PDE10A: variants seen among roughly 807,000 people sequenced by gnomAD.
PDE10A encodes phosphodiesterase 10A.
Under a neutral mutation model 97.7 loss-of-function variants are expected in PDE10A, and 39 were observed. The ratio of observed to expected loss-of-function variants is 0.40; its 90% confidence interval spans 0.31 to 0.52. PDE10A has a LOEUF of 0.52. PDE10A is among the 20% of genes least tolerant of loss of function. The probability of loss-of-function intolerance (pLI) is 0.56; values close to 1 mark genes in which losing one functional copy is unlikely to be tolerated. For missense variants in PDE10A, 731 were observed against 1,047.8 expected (o/e 0.70, Z 4.17); for synonymous variants, 371 against 376.8 (o/e 0.98, Z 0.18).
At chr6:165,472,441 C>G (rs1779068313) in intron 3 of PDE10A, among the ~76,000 whole-genome samples, 1 of 151,936 alleles carries the variant, frequency 6.6e-6, no homozygotes, top group Admixed American at 6.6e-5. Context: ...TATTATTAAT[C>G]AAGTCTATAT....
At chr6:165,632,474 T>C (rs1788680049) in intron 1 of PDE10A, among the ~76,000 whole-genome samples, 1 of 152,114 alleles carries the variant, frequency 6.6e-6, no homozygotes, top group Non-Finnish European at 1.5e-5. Flanking sequence ...TCTACCAACA[T>C]CTTAGACTTC....
At chr6:165,379,457 C>G in intron 17 of PDE10A, 91 bp from the exon 18 acceptor site, 1 of 976,012 alleles carries the variant, frequency 1.0e-6, no homozygotes, top group Non-Finnish European at 1.5e-6. Context: ...TATAGTCAGT[C>G]AATGACATCT....
Position 165,418,703 on chromosome 6 carries a change from A to G in PDE10A, c.1728T>C (p.Tyr576=), listed in dbSNP as rs1296289263. The G allele has an allele frequency of 6.2e-7, 1 of 1,613,792 alleles. No homozygotes were observed. The highest frequency in any genetic ancestry group is 1.1e-5 in the South Asian group (1 of 91,086). Residue 576 remains tyrosine (Y), a synonymous_variant, in exon 11 of 22, where the codon TAT becomes TAC. Transcript: ENST00000539869. The surrounding 1 kb of genome is among the most constrained non-coding windows in gnomAD (Gnocchi z 4.8). ...FQVDHKNKEL[Y]SDLFDIGEEK... ...CCTCTCCAATATCAAAAAGGTCTGA[A>G]TATAACTCCTTGTTCTTATGGTCCA...
At chr6:165,384,216 G>A (rs1213255443) in intron 17 of PDE10A, among the ~76,000 whole-genome samples, 1 of 152,072 alleles carries the variant, frequency 6.6e-6, no homozygotes, top group African/African-American at 2.4e-5. Flanking sequence ...GACAAAATAC[G>A]ATGAAGGCTG....
At chr6:165,637,033 T>C (rs1788911088) in intron 1 of PDE10A, among the ~76,000 whole-genome samples, 1 of 152,204 alleles carries the variant, frequency 6.6e-6, no homozygotes, top group South Asian at 2.1e-4. Flanking sequence ...CAGCCCACTG[T>C]CCTACACACC....
intron 1 of PDE10A, among the ~76,000 whole-genome samples, chr6:165,965,092 T>C (rs1489296371): frequency 6.6e-6 from 1 of 152,186 alleles, no homozygotes. Context: ...AGATGTGATA[T>C]ATTTTAGAAG....
chr6:165,741,173 T>A (rs1792710701), intron 1 of PDE10A, among the ~76,000 whole-genome samples: 1 of 152,172 alleles, frequency 6.6e-6, no homozygotes, highest in Non-Finnish European at 1.5e-5. Flanking sequence ...GATATGTTTG[T>A]TAATAAGCTT....
intron 1 of PDE10A, among the ~76,000 whole-genome samples, chr6:165,565,837 A>C (rs533811707): frequency 6.6e-6 from 1 of 152,302 alleles, no homozygotes; most frequent in African/African-American, 2.4e-5. Flanking sequence ...GAGAAAAAAT[A>C]CTCTTTTCAA....
intron 17 of PDE10A, among the ~76,000 whole-genome samples, chr6:165,387,370 C>T (rs1289489084): frequency 6.6e-6 from 1 of 152,118 alleles, no homozygotes; most frequent in East Asian, 1.9e-4. Context: ...GCAGGCAGCA[C>T]TACCAATCAC....
intron 3 of PDE10A, among the ~76,000 whole-genome samples, chr6:165,472,709 G>C (rs1244781405): frequency 6.6e-6 from 1 of 152,132 alleles, no homozygotes; most frequent in Non-Finnish European, 1.5e-5. Context: ...TACCAGAGAA[G>C]TTCTTCTGAA....
chr6:165,473,090 A>G (rs2128273846), intron 3 of PDE10A, among the ~76,000 whole-genome samples: 1 of 152,304 alleles, frequency 6.6e-6, no homozygotes, highest in East Asian at 1.9e-4. Flanking sequence ...AATAGAATGA[A>G]AAAGTAAAAA....
intron 1 of PDE10A, among the ~76,000 whole-genome samples, chr6:165,715,100 AC>A (rs1475235860): frequency 6.6e-6 from 1 of 152,068 alleles, no homozygotes; most frequent in Non-Finnish European, 1.5e-5. Context: ...CCGCCCGAGA[AC>A]CCCCGAGGGA....
intron 1 of PDE10A, among the ~76,000 whole-genome samples, chr6:165,903,820 C>G (rs751762197): frequency 6.6e-6 from 1 of 152,076 alleles, no homozygotes; most frequent in African/African-American, 2.4e-5. Flanking sequence ...GAGGATGAGA[C>G]GTCCTAGGAA....
At chr6:165,567,966 C>T (rs2128342221) in intron 1 of PDE10A, among the ~76,000 whole-genome samples, 1 of 150,804 alleles carries the variant, frequency 6.6e-6, no homozygotes, top group Middle Eastern at 3.4e-3. Flanking sequence ...AGCCAAGTGC[C>T]CAGCACACAA....
At chr6:165,944,027 T>C (rs1487629373) in intron 1 of PDE10A, among the ~76,000 whole-genome samples, 1 of 152,232 alleles carries the variant, frequency 6.6e-6, no homozygotes, top group Non-Finnish European at 1.5e-5. Context: ...CTCACAGTTC[T>C]GCATGGTTGA....
chr6:165,984,962 C>A (rs953705603), intron 1 of PDE10A, among the ~76,000 whole-genome samples: 1 of 152,160 alleles, frequency 6.6e-6, no homozygotes, highest in African/African-American at 2.4e-5. Context: ...GGTGGAAGGA[C>A]TTCTGTGACT....
rs11390890 is a variant in PDE10A, at chr6:165,655,206, T to TG, written c.865+6740dup. On this transcript the variant is annotated intron_variant, in intron 1 of 21. Transcript: ENST00000539869. This position sits in a 1 kb window ranked among gnomAD's most constrained non-coding sequence, Gnocchi z 4.5. ...CACTGAGGCATCTATATACTGTCCT[T>TG]GGGGCATCCAATCCCATGATTTTAG... Among the ~76,000 whole-genome samples, 152,192 of 152,200 alleles carry TG rather than the reference T, an allele frequency of 1. 76,092 individuals are homozygous for TG. Among genetic ancestry groups the TG allele is most frequent in the Middle Eastern group, 1 (294 of 294 alleles).
chr6:165,971,621 C>T (rs768291176), intron 1 of PDE10A, among the ~76,000 whole-genome samples: 25 of 152,066 alleles, frequency 1.6e-4, no homozygotes, highest in Non-Finnish European at 2.9e-4. Flanking sequence ...CCAAGTTTTA[C>T]GTATGTATTT....
intron 1 of PDE10A, among the ~76,000 whole-genome samples, chr6:165,821,954 A>G (rs1779584785): frequency 6.6e-6 from 1 of 151,904 alleles, no homozygotes; most frequent in African/African-American, 2.4e-5. Flanking sequence ...GTTCTGAAGG[A>G]TGAGAAGGAT....
Sources: gnomAD v4.1 joint callset for allele counts (sites outside exome capture counted in the v4.1 genomes callset) on GRCh38, gnomAD v4.1.1 for gene constraint, Gnocchi (gnomAD v3.1) non-coding constraint, MANE v1.5 for transcripts, NCBI Gene and HGNC (gene_info 2026-07-23, HGNC 2026-07-21) for gene names.